Variants in TDRD7 observed in about 807,000 individuals in gnomAD.
The protein encoded by TDRD7 is tudor domain containing 7, also known as tudor domain-containing protein 7.
A neutral mutation model predicts 109.8 loss-of-function variants in TDRD7; 47 were observed. The observed-to-expected ratio is 0.43, with a 90% CI of 0.34 to 0.55. The LOEUF is 0.55. Among genes scored for constraint, TDRD7 ranks in the 20% least tolerant of loss-of-function variants. The probability of loss-of-function intolerance (pLI) is 0.03; values close to 1 mark genes in which losing one functional copy is unlikely to be tolerated. For missense variants in TDRD7, 1,164 were observed against 1,319.2 expected, an observed-to-expected ratio of 0.88 and a Z score of 1.82; for synonymous variants, 424 against 457.3, an observed-to-expected ratio of 0.93 and a Z score of 0.93.
At chr9:97,443,802 A>G (rs1828353338) in intron 6 of TDRD7, among the ~76,000 whole-genome samples, 1 of 152,222 alleles carries the variant, frequency 6.6e-6, no homozygotes, top group Admixed American at 6.5e-5. Context: ...GTTTTCTGTA[A>G]AACTTAGAGC....
At chr9:97,467,318 C>T (rs1253171100) in intron 8 of TDRD7, among the ~76,000 whole-genome samples, 2 of 152,366 alleles carry the variant, frequency 1.3e-5, no homozygotes, top group South Asian at 2.1e-4. Context: ...ATCTCCCAGT[C>T]TGAAGTCTAT....
chr9:97,460,226 A>G lies in TDRD7; in HGVS notation c.904A>G (p.Lys302Glu), dbSNP rs1564205878. 1.2e-6 allele frequency: 2 copies of G among 1,614,228 alleles called. No individual in the cohort carries two copies. Among genetic ancestry groups the G allele is most frequent in the Non-Finnish European group, 8.5e-7 (1 of 1,180,040 alleles). ...GGQDLLLYPAKRKQLLRSELD... is the reference protein window; with the variant it reads ...GGQDLLLYPAERKQLLRSELD... ...CCAAGATTTACTTCTTTATCCAGCT[A>G]AGAGAAAGCAGCTTTTGAGAAGTGA... is the stretch of plus-strand genomic sequence containing the variant. The change falls in exon 7 of 17, where the codon AAG becomes GAG. Residue 302 changes from lysine to glutamate, a missense_variant. Around this residue, in one of 5 missense-constraint regions of TDRD7, gnomAD observed 407 missense variants for 394.0 expected, o/e 1.03. Coordinates refer to ENST00000355295, the MANE Select transcript of TDRD7 (RefSeq NM_014290.3).
chr9:97,418,483 C>T (rs776060875), intron 1 of TDRD7, among the ~76,000 whole-genome samples: 18 of 151,846 alleles, frequency 1.2e-4, no homozygotes, highest in African/African-American at 2.2e-4. Context: ...CTGCTCTGGC[C>T]GTTAAACAGG....
At chr9:97,467,347 C>G (rs557641634) in intron 8 of TDRD7, among the ~76,000 whole-genome samples, 11 of 152,204 alleles carry the variant, frequency 7.2e-5, no homozygotes, top group Non-Finnish European at 1.6e-4. Flanking sequence ...CACTTTCTTT[C>G]CTCCCTCCCT....
intron 1 of TDRD7, among the ~76,000 whole-genome samples, chr9:97,427,930 C>T (rs996876892): frequency 2.0e-5 from 3 of 152,098 alleles, no homozygotes; most frequent in African/African-American, 4.8e-5. Context: ...CTAAGGCCCC[C>T]GTTACTTTTG....
At chr9:97,495,144 C>T (rs1487521621) in intron 16 of TDRD7, among the ~76,000 whole-genome samples, 1 of 152,116 alleles carries the variant, frequency 6.6e-6, no homozygotes, top group Non-Finnish European at 1.5e-5. Context: ...ACCACACCAC[C>T]CGATAGAGGA....
At chr9:97,427,386 T>C (rs994546440) in intron 1 of TDRD7, among the ~76,000 whole-genome samples, 1 of 152,208 alleles carries the variant, frequency 6.6e-6, no homozygotes, top group Non-Finnish European at 1.5e-5. Context: ...TAGCCTTTTA[T>C]AGGTTCGTCT....
chr9:97,461,623 G>T (rs1306869928), intron 7 of TDRD7, among the ~76,000 whole-genome samples: 1 of 152,220 alleles, frequency 6.6e-6, no homozygotes, highest in African/African-American at 2.4e-5. Flanking sequence ...TGGACTTTTG[G>T]AGAAAATGCA....
At chr9:97,480,968 TAGAAAGGGAGCTG>T in intron 14 of TDRD7, 30 bp downstream of exon 14, 1 of 1,585,598 alleles carries the variant, frequency 6.3e-7, no homozygotes, top group African/African-American at 1.3e-5. Context: ...CTGATACATT[TAGAAAGGGAGCTG>T]GCAGCTGTCA....
intron 13 of TDRD7, among the ~76,000 whole-genome samples, chr9:97,479,299 G>A (rs557193203): frequency 3.9e-4 from 60 of 152,154 alleles, no homozygotes; most frequent in African/African-American, 1.3e-3. Context: ...TTTTCTAGCC[G>A]TGACTATTAC....
At position 97,460,586 on chromosome 9, in the gene TDRD7, G is replaced by A. The variant is rs566332281; in HGVS notation, c.1264G>A (p.Gly422Ser). Residue 422 changes from glycine (G) to serine (S), a missense_variant, in exon 7 of 17, where the codon GGT (glycine) becomes AGT (serine). Gly to Ser is a moderately conservative substitution (Grantham distance 56). Transcript: ENST00000355295. ...KIQKDAGQAH[G>S]DNDIKAMVEQ... ...CCAAAAGGATGCAGGGCAAGCACAT[G>A]GTGATAATGATATCAAGGCTATGGT... 24 of 1,614,188 alleles carry A rather than the reference G, an allele frequency of 1.5e-5. No homozygotes were observed. The Admixed American group carries it at 1.8e-4, about 12-fold the overall frequency.
In TDRD7 at chr9:97,460,693, A is replaced by G; in HGVS notation, c.1371A>G (p.Leu457=). The change falls in exon 7 of 17, where the codon TTA becomes TTG. Residue 457 remains leucine (L), a synonymous_variant. Transcript: ENST00000355295. ...TFMEDITVPP[L]MIPTEASPSV... ...TGGAGGACATAACAGTTCCTCCTTTAATGATTCCAACTGAAGCATCACCAT... is the reference window on the plus strand; with the variant it reads ...TGGAGGACATAACAGTTCCTCCTTTGATGATTCCAACTGAAGCATCACCAT... 6.2e-7 allele frequency: 1 copy of G among 1,614,198 alleles called. No homozygotes were observed. The highest frequency in any genetic ancestry group is 1.1e-5 in the South Asian group (1 of 91,090).
intron 6 of TDRD7, among the ~76,000 whole-genome samples, chr9:97,444,753 A>G (rs554758793): frequency 6.6e-6 from 1 of 152,184 alleles, no homozygotes; most frequent in East Asian, 1.9e-4. Context: ...ATATTAAAAG[A>G]TTGAAAAATA....
At chr9:97,424,963 G>T (rs963420519) in intron 1 of TDRD7, among the ~76,000 whole-genome samples, 1 of 151,164 alleles carries the variant, frequency 6.6e-6, no homozygotes, top group South Asian at 2.1e-4. Context: ...AAAAATTTTA[G>T]TGGTTGCCAT....
intron 6 of TDRD7, among the ~76,000 whole-genome samples, chr9:97,449,484 A>C (rs1178766207): frequency 6.6e-6 from 1 of 152,206 alleles, no homozygotes; most frequent in Non-Finnish European, 1.5e-5. Flanking sequence ...CGCAGAACTC[A>C]GGCAAACAGT....
intron 8 of TDRD7, among the ~76,000 whole-genome samples, chr9:97,468,672 A>G (rs953497749): frequency 2.0e-5 from 3 of 152,206 alleles, no homozygotes; most frequent in Admixed American, 2.0e-4. Flanking sequence ...AGTAGGAGAA[A>G]CAGGAGATGT....
chr9:97,462,614 G>T (rs1828743952), intron 7 of TDRD7, among the ~76,000 whole-genome samples: 1 of 152,174 alleles, frequency 6.6e-6, no homozygotes, highest in Non-Finnish European at 1.5e-5. Context: ...GGAATCCCTT[G>T]TCTCAGAAAT....
At chr9:97,442,066 C>T (rs1251080182) in intron 6 of TDRD7, among the ~76,000 whole-genome samples, 191 bp downstream of exon 6, 1 of 152,118 alleles carries the variant, frequency 6.6e-6, no homozygotes, top group Non-Finnish European at 1.5e-5. Flanking sequence ...GTTGAAGGTT[C>T]TCCTGTGTTG....
At position 97,483,319 on chromosome 9, in the gene TDRD7, A is replaced by G; in HGVS notation, c.2883A>G (p.Lys961=). Residue 961 remains lysine (K), a synonymous_variant, in exon 15 of 17, where the codon AAA becomes AAG. Transcript: ENST00000355295. The stretch of plus-strand genomic sequence containing the variant: ...AAGAGCGCCACATAGCAGTGGAGAA[A>G]GACCAAGTGTATGCTGCAAAAGTGG... ...VSEERHIAVE[K]DQVYAAKVEN... is the part of the protein sequence containing the mutation. 1 of 1,614,180 alleles carries G rather than the reference A, an allele frequency of 6.2e-7. No homozygotes were observed. The highest frequency in any genetic ancestry group is 8.5e-7 in the Non-Finnish European group (1 of 1,180,030).
Sources: gnomAD v4.1 joint callset for allele counts (sites outside exome capture counted in the v4.1 genomes callset) on GRCh38, gnomAD v4.1.1 for gene constraint, gnomAD v4.1.1 regional missense constraint, MANE v1.5 for transcripts, NCBI Gene and HGNC (gene_info 2026-07-23, HGNC 2026-07-21) for gene names.